Variants in WDR44 observed in about 807,000 individuals in gnomAD.
The protein encoded by WDR44 is WD repeat domain 44.
WDR44 carries 9 observed loss-of-function variants against 65.7 expected under a neutral mutation model. The observed-to-expected ratio is 0.14, with a 90% confidence interval of 0.08 to 0.24. The LOEUF (loss-of-function observed/expected upper bound fraction) is 0.24. Among genes scored for constraint, WDR44 ranks in the 10% least tolerant of loss-of-function variants. WDR44 has a pLI of 1.00. For synonymous variants in WDR44, 220 were observed against 235.2 expected (o/e 0.94, Z 0.59); for missense variants, 425 against 670.9 (o/e 0.63, Z 4.05).
intron 1 of WDR44, among the ~76,000 whole-genome samples, chrX:118,364,055 A>G (rs910898054): frequency 8.9e-6 from 1 of 112,443 alleles, no homozygotes; most frequent in South Asian, 3.7e-4. Context: ...TAGAGCATGC[A>G]TTAAGTGATT....
At chrX:118,431,656 C>T (rs1297409863) in intron 12 of WDR44, among the ~76,000 whole-genome samples, 1 of 112,133 alleles carries the variant, frequency 8.9e-6, no homozygotes, top group Non-Finnish European at 1.9e-5. Context: ...TTTCTGACTA[C>T]ATCTCCATAT....
chrX:118,368,991 G>A (rs1467909998), intron 1 of WDR44, among the ~76,000 whole-genome samples: 1 of 109,196 alleles, frequency 9.2e-6, no homozygotes, highest in Non-Finnish European at 1.9e-5. Flanking sequence ...GCCTCCCAAA[G>A]TGCTGGGATT....
chrX:118,412,670 G>A (rs894159387), intron 12 of WDR44, among the ~76,000 whole-genome samples: 12 of 111,510 alleles, frequency 1.1e-4, no homozygotes, highest in East Asian at 2.8e-4. Flanking sequence ...TCTAGCTTGC[G>A]TAGTTAGCTA....
At position 118,392,898 on chromosome X, in the gene WDR44, A is replaced by T; in HGVS notation, c.453A>T (p.Val151=). The stretch of plus-strand genomic sequence containing the variant: ...CTGATGAAACCTGTGAGAAACCAGT[A>T]GATGAAACCACGAAGTTAACTCAAA... ...FPSDETCEKP[V]DETTKLTQTS... Residue 151 remains valine (V), a synonymous_variant, in exon 4 of 20, where the codon GTA becomes GTT. Transcript: ENST00000254029. 3.3e-6 allele frequency: 4 copies of T among 1,212,534 alleles called. No homozygotes were observed. The highest frequency in any genetic ancestry group is 4.5e-6 in the Non-Finnish European group (4 of 895,708).
At chrX:118,388,726 A>G (rs774122187) in intron 3 of WDR44, among the ~76,000 whole-genome samples, 62 of 112,059 alleles carry the variant, frequency 5.5e-4, no homozygotes, top group African/African-American at 2.0e-3. Context: ...ATAATTCTAT[A>G]CTATAACACA....
chrX:118,432,746 T>C, intron 12 of WDR44, 35 bp from the exon 13 acceptor site: 2 of 1,106,852 alleles, frequency 1.8e-6, no homozygotes, highest in Non-Finnish European at 2.5e-6. Context: ...TAGTTTTACA[T>C]TGCAGTTTCA....
intron 2 of WDR44, among the ~76,000 whole-genome samples, chrX:118,384,093 G>C (rs975046579): frequency 1.7e-4 from 19 of 108,662 alleles, no homozygotes; most frequent in African/African-American, 6.4e-4. Context: ...GCCCAGGCTG[G>C]TCTCAAACTC....
chrX:118,422,946 C>G (rs1347006897), intron 12 of WDR44, among the ~76,000 whole-genome samples: 1 of 111,192 alleles, frequency 9.0e-6, no homozygotes, highest in East Asian at 2.8e-4. Context: ...ATGTTTTTAA[C>G]CATTATGCTC....
chrX:118,424,291 G>A (rs2057132438), intron 12 of WDR44, among the ~76,000 whole-genome samples: 1 of 93,078 alleles, frequency 1.1e-5, no homozygotes, highest in African/African-American at 4.3e-5. Context: ...ATGTGTGTGT[G>A]TGTATGTGTA....
intron 6 of WDR44, 147 bp from the exon 7 acceptor site, chrX:118,396,823 C>A: frequency 1.9e-6 from 1 of 531,022 alleles, no homozygotes; most frequent in Non-Finnish European, 2.7e-6. Context: ...TGAATTATAT[C>A]TCAATAAAAA....
intron 10 of WDR44, among the ~76,000 whole-genome samples, chrX:118,407,282 C>T (rs2056975420): frequency 8.9e-6 from 1 of 111,770 alleles, no homozygotes; most frequent in South Asian, 3.7e-4. Flanking sequence ...AGGCGGATCA[C>T]TTGAGGTCAG....
At chrX:118,405,082 CTG>C (rs1412294896) in intron 9 of WDR44, among the ~76,000 whole-genome samples, 1 of 110,857 alleles carries the variant, frequency 9.0e-6, no homozygotes, top group Non-Finnish European at 1.9e-5. Flanking sequence ...GTCGCCCAGA[CTG>C]GGGTGGAATG....
At chrX:118,388,164 A>G (rs182598491) in intron 3 of WDR44, among the ~76,000 whole-genome samples, 1 of 111,753 alleles carries the variant, frequency 8.9e-6, no homozygotes, top group Admixed American at 9.6e-5. Flanking sequence ...AGCATCCTCA[A>G]CTCCCAATTA....
chrX:118,442,410 C>T (rs2057311189), intron 16 of WDR44, 65 bp downstream of exon 16: 2 of 1,017,791 alleles, frequency 2.0e-6, no homozygotes, highest in African/African-American at 1.9e-5. Context: ...TTCTTAATAT[C>T]TTGGCAAAAA....
At chrX:118,388,331 A>G (rs2056789239) in intron 3 of WDR44, among the ~76,000 whole-genome samples, 1 of 111,746 alleles carries the variant, frequency 8.9e-6, no homozygotes, top group Non-Finnish European at 1.9e-5. Flanking sequence ...CCCAAGCTAG[A>G]GTGCAGTGGC....
At chrX:118,437,036 CTTTA>C (rs1447379897) in intron 14 of WDR44, among the ~76,000 whole-genome samples, 1 of 111,702 alleles carries the variant, frequency 9.0e-6, no homozygotes, top group Non-Finnish European at 1.9e-5. Context: ...TATCCTAAAT[CTTTA>C]TTAAGACATG....
intron 3 of WDR44, among the ~76,000 whole-genome samples, chrX:118,388,051 T>G (rs1340855951): frequency 9.0e-6 from 1 of 111,543 alleles, no homozygotes; most frequent in African/African-American, 3.3e-5. Flanking sequence ...TCTCCAGTAC[T>G]GGCACTCGAC....
At chrX:118,379,118 G>T (rs1314638049) in intron 2 of WDR44, among the ~76,000 whole-genome samples, 4 of 109,968 alleles carry the variant, frequency 3.6e-5, no homozygotes. Context: ...ACTTCTTGTG[G>T]GCCCATGTAC....
chrX:118,363,044 A>G (rs760357890), intron 1 of WDR44, among the ~76,000 whole-genome samples: 52 of 108,361 alleles, frequency 4.8e-4, no homozygotes, highest in Non-Finnish European at 9.6e-4. Context: ...TTTTAGCGCA[A>G]TGCTATTTAT....
Sources: allele counts gnomAD v4.1 joint callset (sites outside exome capture counted in the v4.1 genomes callset), GRCh38; gene constraint gnomAD v4.1.1; transcripts MANE v1.5; gene names NCBI Gene and HGNC (gene_info 2026-07-23, HGNC 2026-07-21).